The following LRRC4C variants were observed in gnomAD, a reference collection of about 807,000 sequenced individuals.
LRRC4C encodes the protein leucine rich repeat containing 4C.
Under a neutral mutation model 33.6 loss-of-function variants are expected in LRRC4C, and 5 were observed. That is an observed-to-expected ratio of 0.15 (90% CI 0.08 to 0.31). The LOEUF is 0.31. LRRC4C is among the 10% of genes least tolerant of loss of function. The pLI, the probability that LRRC4C is intolerant of heterozygous loss-of-function variation, is 1.00. For missense variants in LRRC4C, 560 were observed against 796.7 expected, an observed-to-expected ratio of 0.70 and a Z score of 3.58; for synonymous variants, 329 against 302.0, an observed-to-expected ratio of 1.09 and a Z score of -0.93.
At chr11:40,663,111 C>T (rs1943536796) in intron 2 of LRRC4C, among the ~76,000 whole-genome samples, 1 of 152,184 alleles carries the variant, frequency 6.6e-6, no homozygotes, top group Non-Finnish European at 1.5e-5. Context: ...GACGGAGTCT[C>T]ACTCTGTTGC....
intron 1 of LRRC4C, among the ~76,000 whole-genome samples, chr11:41,359,295 C>G (rs2137651449): frequency 6.6e-6 from 1 of 152,164 alleles, no homozygotes; most frequent in East Asian, 1.9e-4. Context: ...TTTGCCCAAA[C>G]CAGTAAAATG....
intron 3 of LRRC4C, among the ~76,000 whole-genome samples, chr11:40,403,568 T>C (rs1949843530): frequency 6.6e-6 from 1 of 152,016 alleles, no homozygotes; most frequent in African/African-American, 2.4e-5. Flanking sequence ...TCTATGAAAA[T>C]TGGACAATCA....
chr11:40,126,687 G>A (rs544406504), intron 6 of LRRC4C, among the ~76,000 whole-genome samples: 1 of 152,122 alleles, frequency 6.6e-6, no homozygotes, highest in African/African-American at 2.4e-5. Flanking sequence ...GGGGACGGGC[G>A]TGGTGGCTCA....
chr11:40,891,406 T>C (rs914578701), intron 2 of LRRC4C, among the ~76,000 whole-genome samples: 2 of 152,060 alleles, frequency 1.3e-5, no homozygotes, highest in Admixed American at 6.6e-5. Context: ...CCCAAAGCAA[T>C]CTACAAATTC....
rs57752272 is a variant in LRRC4C at position 40,696,748 on chromosome 11, G to GTATATATATA, written c.-406-48480_-406-48471dup. ...GTCTCTGTGCATATATATACACTGT[G>GTATATATATA]TATATATATATATATATATATATAT... On this transcript the variant is annotated intron_variant, in intron 2 of 6. Coordinates refer to ENST00000528697, the MANE Select transcript of LRRC4C (RefSeq NM_001258419.2). Among the ~76,000 whole-genome samples the GTATATATATA allele has an allele frequency of 1.5e-3, 189 of 125,868 alleles. 1 individual carries two copies. Among genetic ancestry groups the GTATATATATA allele is most frequent in the African/African-American group, 2.5e-3 (80 of 31,964 alleles). The allele number at this position is 125,868 out of a possible 152,430, so 82.6% of individuals were successfully genotyped here.
chr11:41,326,002 G>A lies in LRRC4C; in HGVS notation c.-496+133429C>T, dbSNP rs942543913. On this transcript the variant is annotated intron_variant, in intron 1 of 6. Transcript: ENST00000528697. ...AACAAACTGTGATGGTTAATATGGA[G>A]TGTCAACTTGATTGAATTGAAGGAT... is the stretch of plus-strand genomic sequence containing the variant. 2.6e-5 allele frequency among the ~76,000 whole-genome samples: 4 copies of A among 152,052 alleles called. No individual in the cohort carries two copies. The South Asian group carries it at 8.3e-4, about 32-fold the overall frequency.
intron 3 of LRRC4C, among the ~76,000 whole-genome samples, chr11:40,559,033 G>A (rs1216945284): frequency 5.3e-5 from 8 of 152,132 alleles, no homozygotes; most frequent in Admixed American, 5.2e-4. Context: ...CAAAACACAT[G>A]ATCTAATTCT....
At chr11:41,081,955 G>A (rs1292821935) in intron 1 of LRRC4C, among the ~76,000 whole-genome samples, 2 of 152,140 alleles carry the variant, frequency 1.3e-5, no homozygotes, top group Non-Finnish European at 2.9e-5. Flanking sequence ...CTCCCTATGG[G>A]CAGCTGCTTC....
At chr11:41,179,146 A>C (rs989246670) in intron 1 of LRRC4C, among the ~76,000 whole-genome samples, 3 of 152,150 alleles carry the variant, frequency 2.0e-5, no homozygotes, top group Non-Finnish European at 4.4e-5. Context: ...GAGAGAGATA[A>C]AACATGTACA....
chr11:40,654,193 C>T lies in LRRC4C; in HGVS notation c.-406-5915G>A, dbSNP rs116991231. ...GATTGGAACTCCCACACAGAGTCCC[C>T]GCTGGTGTACTGCCTAGTGGAGCTG... On this transcript the variant is annotated intron_variant, in intron 2 of 6. Coordinates refer to ENST00000528697, the MANE Select transcript of LRRC4C (RefSeq NM_001258419.2). Among the ~76,000 whole-genome samples, 596 of 152,274 alleles carry T rather than the reference C, an allele frequency of 3.9e-3. 5 individuals are homozygous for T. Among genetic ancestry groups the T allele is most frequent in the East Asian group, 0.026 (135 of 5,164 alleles).
intron 1 of LRRC4C, among the ~76,000 whole-genome samples, chr11:41,169,815 C>T (rs1052890227): frequency 6.6e-6 from 1 of 152,072 alleles, no homozygotes; most frequent in Non-Finnish European, 1.5e-5. Context: ...TTCAATTCCC[C>T]CTTTCAATGG....
chr11:41,250,980 C>A (rs1591064677), intron 1 of LRRC4C, among the ~76,000 whole-genome samples: 1 of 152,072 alleles, frequency 6.6e-6, no homozygotes, highest in South Asian at 2.1e-4. Flanking sequence ...ATAGATAGTT[C>A]TCTTATATTT....
At chr11:40,665,325 A>AAAT (rs1943712197) in intron 2 of LRRC4C, among the ~76,000 whole-genome samples, 21 of 13,440 alleles carry the variant, frequency 1.6e-3, no homozygotes, top group African/African-American at 1.6e-3. Flanking sequence ...AAAAAAAAAA[A>AAAT]ATATATATAT....
At chr11:40,666,394 G>C (rs569886263) in intron 2 of LRRC4C, among the ~76,000 whole-genome samples, 1 of 152,124 alleles carries the variant, frequency 6.6e-6, no homozygotes, top group Non-Finnish European at 1.5e-5. Flanking sequence ...CTAGTAAGGA[G>C]AGAAGGTCAT....
At chr11:41,328,986 A>G (rs3887031) in intron 1 of LRRC4C, among the ~76,000 whole-genome samples, 2,475 of 152,284 alleles carry the variant, frequency 0.016, 70 homozygotes, top group African/African-American at 0.056. Flanking sequence ...TCCAAGCCCA[A>G]ATGTGCTTTA....
intron 1 of LRRC4C, among the ~76,000 whole-genome samples, chr11:41,344,268 C>T (rs1375234021): frequency 1.3e-5 from 2 of 150,092 alleles, no homozygotes; most frequent in Non-Finnish European, 3.0e-5. Flanking sequence ...GCTCTGTCAC[C>T]CAGGCTGGAG....
chr11:40,979,329 A>G lies in LRRC4C; in HGVS notation c.-495-45606T>C, dbSNP rs546792475. Among the ~76,000 whole-genome samples the G allele has an allele frequency of 2.0e-5, 3 of 152,248 alleles. No individual in the cohort carries two copies. The South Asian group carries it at 6.2e-4, about 32-fold the overall frequency. ...TATATTACAGTACCCTGCTCTTAGTACTCTTTCAATAGATATTTTTTGAAT... is the reference window on the plus strand; with the variant it reads ...TATATTACAGTACCCTGCTCTTAGTGCTCTTTCAATAGATATTTTTTGAAT... On this transcript the variant is annotated intron_variant, in intron 1 of 6. Transcript: ENST00000528697.
intron 1 of LRRC4C, among the ~76,000 whole-genome samples, chr11:41,277,088 C>T (rs1030590886): frequency 6.6e-6 from 1 of 152,124 alleles, no homozygotes. Context: ...ACCACTGTAT[C>T]CACAGCATCT....
At chr11:40,853,868 G>GA (rs1410815779) in intron 2 of LRRC4C, among the ~76,000 whole-genome samples, 2 of 152,154 alleles carry the variant, frequency 1.3e-5, no homozygotes, top group African/African-American at 4.8e-5. Context: ...TAGATGGATA[G>GA]AAAAAAGACA....
Sources: allele counts gnomAD v4.1 joint callset (sites outside exome capture counted in the v4.1 genomes callset), GRCh38; gene constraint gnomAD v4.1.1; transcripts MANE v1.5; gene names NCBI Gene and HGNC (gene_info 2026-07-23, HGNC 2026-07-21).